The following KIRREL3 variants were observed in gnomAD, a reference collection of about 807,000 sequenced individuals.
KIRREL3 encodes kin of IRRE-like protein 3.
In KIRREL3, 36 loss-of-function variants were observed where a neutral mutation model predicts 89.7. The ratio of observed to expected loss-of-function variants is 0.40; its 90% CI spans 0.31 to 0.53. The LOEUF (loss-of-function observed/expected upper bound fraction) is 0.53. Ranked by LOEUF, KIRREL3 falls within the 20% of genes least tolerant of loss-of-function variation. The probability of loss-of-function intolerance (pLI) is 0.49; values close to 1 mark genes in which losing one functional copy is unlikely to be tolerated. For missense variants in KIRREL3, 864 were observed against 1,056.6 expected (o/e 0.82, Z 2.53); for synonymous variants, 445 against 441.4 (o/e 1.01, Z -0.10).
In KIRREL3 at chr11:126,574,611, T is replaced by G. The variant is rs1565563418; in HGVS notation, c.56-11699A>C. ...GCTGAGCCCCAGAGAAGTGACCCCT[T>G]TTGGGGTTATCCAATCTAGCAGCCC... On this transcript the variant is annotated intron_variant, in intron 1 of 16. Transcript: ENST00000525144. The surrounding 1 kb of genome is among the most constrained non-coding windows in gnomAD (Gnocchi z 5.3). 6.6e-6 allele frequency among the ~76,000 whole-genome samples: 1 copy of G among 152,082 alleles called. No individual in the cohort carries two copies. The highest frequency in any genetic ancestry group is 1.5e-5 in the Non-Finnish European group (1 of 68,004).
intron 1 of KIRREL3, among the ~76,000 whole-genome samples, chr11:126,720,802 C>A (rs1025874140): frequency 2.6e-5 from 4 of 152,164 alleles, no homozygotes; most frequent in Non-Finnish European, 5.9e-5. Flanking sequence ...CGCTGTAGGG[C>A]TGGCATTGAA....
chr11:126,575,181 G>T lies in KIRREL3; in HGVS notation c.56-12269C>A, dbSNP rs1320393731. Among the ~76,000 whole-genome samples, 1 of 152,224 alleles carries T rather than the reference G, an allele frequency of 6.6e-6. No individual in the cohort carries two copies. The highest frequency in any genetic ancestry group is 1.9e-4 in the East Asian group (1 of 5,200). On this transcript the variant is annotated intron_variant, in intron 1 of 16. Coordinates refer to ENST00000525144, the MANE Select transcript of KIRREL3 (RefSeq NM_032531.4). This position sits in a 1 kb window ranked among gnomAD's most constrained non-coding sequence, Gnocchi z 7.0. The stretch of plus-strand genomic sequence containing the variant: ...AAAAAAAAGAGGCTTAAGCTAAGAA[G>T]CCCGGGGAGTAGGAAGTTCTATGCT...
At chr11:126,493,654 CAAAAAAAAAA>C (rs5795499) in intron 4 of KIRREL3, among the ~76,000 whole-genome samples, 2 of 82,218 alleles carry the variant, frequency 2.4e-5, no homozygotes, top group South Asian at 5.8e-4. Flanking sequence ...GACTCTGTCT[CAAAAAAAAAA>C]AAAAAAAAAA....
chr11:126,925,288 G>C (rs1281256509), intron 1 of KIRREL3, among the ~76,000 whole-genome samples: 1 of 152,194 alleles, frequency 6.6e-6, no homozygotes, highest in Non-Finnish European at 1.5e-5. Flanking sequence ...CAGGATGAGA[G>C]AGCAGGCACA....
intron 1 of KIRREL3, among the ~76,000 whole-genome samples, chr11:126,956,718 C>T (rs1205599849): frequency 6.6e-6 from 1 of 152,220 alleles, no homozygotes; most frequent in Non-Finnish European, 1.5e-5. Context: ...GCCCAATCCA[C>T]CGTCTGCCTA....
chr11:126,535,717 G>A lies in KIRREL3; in HGVS notation c.134-9030C>T, dbSNP rs975508224. ...TTTTGGTTGAGGGCTGGGCCCGGTGGCTCACGCCTGTAATCCCAGCACTTT... is the reference window on the plus strand; with the variant it reads ...TTTTGGTTGAGGGCTGGGCCCGGTGACTCACGCCTGTAATCCCAGCACTTT... On this transcript the variant is annotated intron_variant, in intron 2 of 16. Coordinates refer to ENST00000525144, the MANE Select transcript of KIRREL3 (RefSeq NM_032531.4). The surrounding 1 kb of genome is among the most constrained non-coding windows in gnomAD (Gnocchi z 4.5). 6.6e-6 allele frequency among the ~76,000 whole-genome samples: 1 copy of A among 152,244 alleles called. No individual in the cohort carries two copies. Among genetic ancestry groups the A allele is most frequent in the Non-Finnish European group, 1.5e-5 (1 of 68,044 alleles).
intron 1 of KIRREL3, among the ~76,000 whole-genome samples, chr11:126,932,173 C>T (rs1947973892): frequency 6.6e-6 from 1 of 152,182 alleles, no homozygotes; most frequent in Non-Finnish European, 1.5e-5. Flanking sequence ...CTCAAACAGC[C>T]TCTCGCCTGT....
At chr11:126,930,345 T>C (rs991636668) in intron 1 of KIRREL3, among the ~76,000 whole-genome samples, 5 of 152,186 alleles carry the variant, frequency 3.3e-5, no homozygotes, top group African/African-American at 1.2e-4. Flanking sequence ...TCTCCCACCA[T>C]TCTTTGCGAT....
chr11:126,460,976 G>C lies in KIRREL3; in HGVS notation c.742+2181C>G, dbSNP rs573490786. On this transcript the variant is annotated intron_variant, in intron 6 of 16. Coordinates refer to ENST00000525144, the MANE Select transcript of KIRREL3 (RefSeq NM_032531.4). ...AGGGTGGTGGTGGTGGCAGTGAATC[G>C]AATGGCAGCCTGGAAGTAGGAAGCT... Among the ~76,000 whole-genome samples the C allele has an allele frequency of 2.0e-5, 3 of 152,312 alleles. No individual in the cohort carries two copies. In the South Asian group the frequency reaches 6.2e-4, roughly 32 times the overall value.
rs1407129530 is a variant in KIRREL3 at position 126,862,961 on chromosome 11, C to G, written c.55+137494G>C. 3.9e-5 allele frequency among the ~76,000 whole-genome samples: 6 copies of G among 152,332 alleles called. No individual in the cohort carries two copies. The East Asian group carries it at 7.7e-4, about 20-fold the overall frequency. On this transcript the variant is annotated intron_variant, in intron 1 of 16. Transcript: ENST00000525144. ...CCAAGCATCACACCTGCTCTGTGGT[C>G]ATGACAGCCAGCACTGGGATACCAG...
chr11:126,940,639 A>AT lies in KIRREL3; in HGVS notation c.55+59815dup, dbSNP rs1352441349. The AT allele has an allele frequency of 6.6e-6, 1 of 151,966 alleles. No individual in the cohort carries two copies. Among genetic ancestry groups the AT allele is most frequent in the Non-Finnish European group, 1.5e-5 (1 of 68,004 alleles). The allele number at this position is 151,966 out of a possible 1,614,324, so 9.4% of individuals were successfully genotyped here. On this transcript the variant is annotated intron_variant, in intron 1 of 16. Transcript: ENST00000525144. The surrounding 1 kb of genome is among the most constrained non-coding windows in gnomAD (Gnocchi z 4.6). ...CAGCCATACCTGGAAGTGGCCATTC[A>AT]TTTTTACATTCTAAGGCCATGTTCT...
chr11:126,842,449 C>T (rs984710703), intron 1 of KIRREL3, among the ~76,000 whole-genome samples: 1 of 152,154 alleles, frequency 6.6e-6, no homozygotes, highest in Non-Finnish European at 1.5e-5. Context: ...GACACCTGGC[C>T]CCTTCCTTCT....
In KIRREL3 at chr11:126,676,819, C is replaced by T. The variant is rs897549576; in HGVS notation, c.56-113907G>A. 6.6e-6 allele frequency among the ~76,000 whole-genome samples: 1 copy of T among 151,766 alleles called. No homozygotes were observed. Among genetic ancestry groups the T allele is most frequent in the Admixed American group, 6.6e-5 (1 of 15,228 alleles). On this transcript the variant is annotated intron_variant, in intron 1 of 16. Transcript: ENST00000525144. This position sits in a 1 kb window ranked among gnomAD's most constrained non-coding sequence, Gnocchi z 4.5. ...TTTCCTTTTGAGACAGAGTCTCCCTCTGCCATCTGGACTGGTATACAGTGG... is the reference window on the plus strand; with the variant it reads ...TTTCCTTTTGAGACAGAGTCTCCCTTTGCCATCTGGACTGGTATACAGTGG...
intron 10 of KIRREL3, 31 bp downstream of exon 10, chr11:126,444,948 C>T: frequency 6.2e-7 from 1 of 1,612,006 alleles, no homozygotes; most frequent in Non-Finnish European, 8.5e-7. Flanking sequence ...TTCCCTCCCT[C>T]AGGCCTGGCT....
Position 126,795,031 on chromosome 11 carries a change from T to G in KIRREL3, c.55+205424A>C, listed in dbSNP as rs997079769. Among the ~76,000 whole-genome samples the G allele has an allele frequency of 1.3e-5, 2 of 152,220 alleles. No homozygotes were observed. Among genetic ancestry groups the G allele is most frequent in the African/African-American group, 4.8e-5 (2 of 41,458 alleles). ...GTGTGATGTCAACTATATAATATTC[T>G]GGAAAGGCAGACAAAAGAAAGTTCA... On this transcript the variant is annotated intron_variant, in intron 1 of 16. Coordinates refer to ENST00000525144, the MANE Select transcript of KIRREL3 (RefSeq NM_032531.4). This position sits in a 1 kb window ranked among gnomAD's most constrained non-coding sequence, Gnocchi z 4.1.
chr11:126,472,983 CTCTACCTAACCCCCA>C (rs1956946205), intron 5 of KIRREL3, among the ~76,000 whole-genome samples: 3 of 100,936 alleles, frequency 3.0e-5, no homozygotes, highest in African/African-American at 4.5e-5. Flanking sequence ...CCATCCTCCT[CTCTACCTAACCCCCA>C]GCCCCTGCCA....
At chr11:126,450,554 TGTGTGCATGTGC>T (rs1358930376) in intron 7 of KIRREL3, among the ~76,000 whole-genome samples, 41 of 151,356 alleles carry the variant, frequency 2.7e-4, no homozygotes, top group Middle Eastern at 3.6e-3. Context: ...TCAATGTGCA[TGTGTGCATGTGC>T]GTGTGCATGT....
intron 1 of KIRREL3, among the ~76,000 whole-genome samples, chr11:126,583,697 G>C (rs552205585): frequency 1.3e-3 from 203 of 152,284 alleles, no homozygotes; most frequent in African/African-American, 4.7e-3. Context: ...TCTACCTCGA[G>C]GAGCTGCTAT....
Position 126,628,106 on chromosome 11 carries a change from T to C in KIRREL3, c.56-65194A>G, listed in dbSNP as rs933594198. Among the ~76,000 whole-genome samples the C allele has an allele frequency of 6.6e-6, 1 of 152,184 alleles. No homozygotes were observed. Among genetic ancestry groups the C allele is most frequent in the Admixed American group, 6.5e-5 (1 of 15,284 alleles). ...AATCAAGCCAGGGCATGGTTGTAAT[T>C]TGGGGCTATCAGAGAGAAGTCTTTG... is the stretch of plus-strand genomic sequence containing the variant. On this transcript the variant is annotated intron_variant, in intron 1 of 16. Transcript: ENST00000525144. The surrounding 1 kb of genome is among the most constrained non-coding windows in gnomAD (Gnocchi z 5.2).
Sources: gnomAD v4.1 joint callset for allele counts (sites outside exome capture counted in the v4.1 genomes callset) on GRCh38, gnomAD v4.1.1 for gene constraint, Gnocchi (gnomAD v3.1) non-coding constraint, MANE v1.5 for transcripts, NCBI Gene and HGNC (gene_info 2026-07-23, HGNC 2026-07-21) for gene names.